CDC45: variants seen among roughly 807,000 people sequenced by gnomAD.
The protein encoded by CDC45 is cell division cycle 45, also known as cell division control protein 45 homolog.
Under a neutral mutation model 77.8 loss-of-function variants are expected in CDC45, and 54 were observed. The ratio of observed to expected loss-of-function variants is 0.69; its 90% CI spans 0.56 to 0.87. CDC45 has a LOEUF of 0.87. Among genes scored for constraint, CDC45 ranks in the 40% least tolerant of loss-of-function variants. The pLI is 0.00. For synonymous variants in CDC45, 260 were observed against 272.1 expected (o/e 0.96, Z 0.44); for missense variants, 649 against 721.6 (o/e 0.90, Z 1.15).
chr22:19,490,311 CATTTT>C (rs1302201593), intron 5 of CDC45, among the ~76,000 whole-genome samples: 2 of 151,946 alleles, frequency 1.3e-5, no homozygotes, highest in Non-Finnish European at 2.9e-5. Flanking sequence ...TTAAGTCTGA[CATTTT>C]ATTTTCTGTT....
chr22:19,484,165 T>G (rs1325637966), intron 5 of CDC45, among the ~76,000 whole-genome samples, 160 bp downstream of exon 5: 1 of 152,242 alleles, frequency 6.6e-6, no homozygotes, highest in Non-Finnish European at 1.5e-5. Context: ...CCCCTGGTTA[T>G]GTGGCCTCAG....
rs746152491 is a variant in CDC45 at position 19,480,983 on chromosome 22, A to T, written c.142A>T (p.Thr48Ser). 1.2e-6 allele frequency: 2 copies of T among 1,613,662 alleles called. No individual in the cohort carries two copies. The highest frequency in any genetic ancestry group is 2.2e-5 in the South Asian group (2 of 91,016). ...GTTCCAGTGTGACCACGTGCAATAT[A>T]CGCTGGTTCCAGTTTCTGGGTGGCA... ...ALFQCDHVQY[T>S]LVPVSGWQEL... Residue 48 changes from threonine (T) to serine (S), a missense_variant, in exon 3 of 19, where the codon ACG becomes TCG. Transcript: ENST00000263201.
At chr22:19,488,723 C>G (rs1308137449) in intron 5 of CDC45, among the ~76,000 whole-genome samples, 1 of 152,206 alleles carries the variant, frequency 6.6e-6, no homozygotes, top group Non-Finnish European at 1.5e-5. Context: ...TATAAAGATG[C>G]AACCACCATC....
chr22:19,510,537 C>T (rs1006570400), intron 13 of CDC45, among the ~76,000 whole-genome samples: 6 of 152,238 alleles, frequency 3.9e-5, no homozygotes, highest in Admixed American at 6.5e-5. Flanking sequence ...TCTTTTCCCT[C>T]GTCCGCCACC....
At chr22:19,509,810 A>G (rs996404304) in intron 13 of CDC45, among the ~76,000 whole-genome samples, 2 of 152,140 alleles carry the variant, frequency 1.3e-5, no homozygotes, top group African/African-American at 4.8e-5. Context: ...GTGCAGTGGT[A>G]AAGATGCATA....
chr22:19,491,248 A>AG (rs2090148972), intron 5 of CDC45, among the ~76,000 whole-genome samples: 1 of 152,188 alleles, frequency 6.6e-6, no homozygotes, highest in Non-Finnish European at 1.5e-5. Flanking sequence ...CAAACTCAAG[A>AG]GGATAAGTAA....
chr22:19,519,642 C>G (rs1934001416), intron 18 of CDC45, among the ~76,000 whole-genome samples: 1 of 152,260 alleles, frequency 6.6e-6, no homozygotes, highest in African/African-American at 2.4e-5. Flanking sequence ...TGCCAAGACT[C>G]TGTTGCAGGA....
At position 19,483,905 on chromosome 22, in the gene CDC45, C is replaced by A. The variant is rs1174004981; in HGVS notation, c.386C>A (p.Ala129Asp). The stretch of plus-strand genomic sequence containing the variant: ...CAAGATGATGACCTTGAAGTTCCCG[C>A]CTATGAAGACATCTTCAGGGATGAA... Reference protein sequence around the residue: ...IKQDDDLEVPAYEDIFRDEEE... With the variant: ...IKQDDDLEVPDYEDIFRDEEE... Residue 129 changes from alanine to aspartate, a missense_variant, in exon 5 of 19, where the codon GCC becomes GAC. Ala to Asp is a moderately radical substitution (Grantham distance 126). Coordinates refer to ENST00000263201, the MANE Select transcript of CDC45 (RefSeq NM_003504.5). 1 of 1,613,342 alleles carries A rather than the reference C, an allele frequency of 6.2e-7. No homozygotes were observed. Among genetic ancestry groups the A allele is most frequent in the East Asian group, 2.2e-5 (1 of 44,894 alleles).
At chr22:19,496,442 T>C (rs2090244783) in intron 7 of CDC45, among the ~76,000 whole-genome samples, 1 of 152,248 alleles carries the variant, frequency 6.6e-6, no homozygotes, top group Non-Finnish European at 1.5e-5. Context: ...TCAATAGTGT[T>C]GAGCAGAGCT....
chr22:19,498,084 G>T (rs983215917), intron 8 of CDC45, among the ~76,000 whole-genome samples: 11 of 152,124 alleles, frequency 7.2e-5, no homozygotes, highest in Non-Finnish European at 1.5e-4. Context: ...TGAGGTAGGA[G>T]AATCGCTTGA....
At chr22:19,508,002 C>G (rs561466314) in intron 12 of CDC45, 138 bp downstream of exon 12, 1 of 622,442 alleles carries the variant, frequency 1.6e-6, no homozygotes, top group Non-Finnish European at 2.8e-6. Flanking sequence ...AACAACAACC[C>G]GAGAATGTAC....
At chr22:19,493,867 A>G (rs900717999) in intron 5 of CDC45, among the ~76,000 whole-genome samples, 6 of 152,226 alleles carry the variant, frequency 3.9e-5, no homozygotes, top group Non-Finnish European at 4.4e-5. Flanking sequence ...AACCTACCAC[A>G]TTATTCCAGG....
intron 6 of CDC45, 125 bp downstream of exon 6, chr22:19,494,507 T>A (rs2090207547): frequency 6.4e-7 from 1 of 1,552,806 alleles, no homozygotes; most frequent in East Asian, 2.4e-5. Flanking sequence ...TTTGGGCCAG[T>A]GGCTCTGGGA....
chr22:19,508,529 G>A lies in CDC45; in HGVS notation c.1056-1G>A. 6.2e-7 allele frequency: 1 copy of A among 1,614,222 alleles called. No individual in the cohort carries two copies. ...GACAGCTGTGTTTGCTCCCATGACA[G>A]GATGAAGGACATGCGCGTGCAGACT... is the stretch of plus-strand genomic sequence containing the variant. On this transcript the variant is annotated splice_acceptor_variant, in intron 12 of 18. Transcript: ENST00000263201. LOFTEE classifies it high-confidence loss of function.
intron 13 of CDC45, among the ~76,000 whole-genome samples, chr22:19,512,410 C>T (rs1445319118): frequency 6.6e-6 from 1 of 152,194 alleles, no homozygotes; most frequent in Non-Finnish European, 1.5e-5. Context: ...TGTTCATGGT[C>T]TCTTTTTACC....
chr22:19,518,609 C>CG (rs1555879609), intron 17 of CDC45, among the ~76,000 whole-genome samples: 17 of 152,050 alleles, frequency 1.1e-4, no homozygotes, highest in South Asian at 6.2e-4. Context: ...ATTGTCTTCC[C>CG]GGGGGGGAGT....
Position 19,499,111 on chromosome 22 carries a change from G to A in CDC45, c.664G>A (p.Val222Ile), listed in dbSNP as rs1412576555. The change falls in exon 9 of 19, where the codon GTT becomes ATT. Residue 222 changes from valine to isoleucine, a missense_variant. Val to Ile is a conservative substitution (Grantham distance 29, BLOSUM62 3). Coordinates refer to ENST00000263201, the MANE Select transcript of CDC45 (RefSeq NM_003504.5). ...CTTCTCTTCTTCCAGGTGGGCCATC[G>A]TTGGACTAACAGACCAGTGGGTGCA... ...DLNDMLWWAI[V>I]GLTDQWVQDK... 1.9e-6 allele frequency: 3 copies of A among 1,614,148 alleles called. No individual in the cohort carries two copies. Among genetic ancestry groups the A allele is most frequent in the Non-Finnish European group, 1.7e-6 (2 of 1,179,990 alleles).
At position 19,514,962 on chromosome 22, in the gene CDC45, C is replaced by T. The variant is rs769938130; in HGVS notation, c.1357-3C>T. ...CGTCTGACCATCTGTCTCGCCTCCG[C>T]AGGGCACTCCAGATGTCATGCTGTT... On this transcript the variant is annotated splice_region_variant and splice_polypyrimidine_tract_variant and intron_variant, in intron 14 of 18. Coordinates refer to ENST00000263201, the MANE Select transcript of CDC45 (RefSeq NM_003504.5). The T allele has an allele frequency of 3.7e-5, 59 of 1,614,080 alleles. No individual in the cohort carries two copies. The South Asian group carries it at 4.5e-4, about 12-fold the overall frequency.
chr22:19,510,622 G>A (rs1010633640), intron 13 of CDC45, among the ~76,000 whole-genome samples: 4 of 152,022 alleles, frequency 2.6e-5, no homozygotes, highest in Non-Finnish European at 5.9e-5. Context: ...TTCGCCTCCT[G>A]GGTTCAAGCA....
Sources: allele counts gnomAD v4.1 joint callset (sites outside exome capture counted in the v4.1 genomes callset), GRCh38; gene constraint gnomAD v4.1.1; transcripts MANE v1.5; gene names NCBI Gene and HGNC (gene_info 2026-07-23, HGNC 2026-07-21).